KDM4A: variants seen among roughly 807,000 people sequenced by gnomAD.
KDM4A encodes the protein lysine-specific demethylase 4A.
A neutral mutation model predicts 127.1 loss-of-function variants in KDM4A; 23 were observed. The observed-to-expected ratio is 0.18, with a 90% CI of 0.13 to 0.26. The LOEUF (loss-of-function observed/expected upper bound fraction) is 0.26, where lower values mean the gene tolerates loss of function less well. KDM4A is among the 10% of genes least tolerant of loss of function. The pLI, the probability that KDM4A is intolerant of heterozygous loss-of-function variation, is 1.00. For missense variants in KDM4A, 890 were observed against 1,329.1 expected, an observed-to-expected ratio of 0.67 and a Z score of 5.14; for synonymous variants, 443 against 466.5, an observed-to-expected ratio of 0.95 and a Z score of 0.65.
chr1:43,659,929 G>C (rs775013847), intron 3 of KDM4A, among the ~76,000 whole-genome samples: 2 of 152,134 alleles, frequency 1.3e-5, no homozygotes, highest in African/African-American at 2.4e-5. Flanking sequence ...GCTGGGTTTT[G>C]GTTGTCTGTG....
Position 43,655,650 on chromosome 1 carries a change from C to T in KDM4A, c.198C>T (p.Val66=), listed in dbSNP as rs775431850. The change falls in exon 3 of 22, where the codon GTC becomes GTT. Residue 66 remains valine (V), a synonymous_variant. Transcript: ENST00000372396. The part of the protein sequence containing the change: ...RASYDDIDDL[V]IPAPIQQLVT... ...CCTATGATGACATTGATGATTTGGT[C>T]ATTCCTGCCCCCATTCAACAGCTGG... 1.2e-6 allele frequency: 2 copies of T among 1,613,326 alleles called. No individual in the cohort carries two copies. The highest frequency in any genetic ancestry group is 2.2e-5 in the East Asian group (1 of 44,878).
intron 12 of KDM4A, among the ~76,000 whole-genome samples, chr1:43,687,419 T>C (rs1489837972): frequency 2.6e-5 from 4 of 152,158 alleles, no homozygotes; most frequent in Non-Finnish European, 4.4e-5. Flanking sequence ...AGGAGGGTCA[T>C]AGCTGGGGAC....
chr1:43,694,765 T>C lies in KDM4A; in HGVS notation c.2541T>C (p.Cys847=). 1 of 1,614,108 alleles carries C rather than the reference T, an allele frequency of 6.2e-7. No homozygotes were observed. Among genetic ancestry groups the C allele is most frequent in the South Asian group, 1.1e-5 (1 of 91,078 alleles). ...GAACTGCTGGCTGCTGTGTGCAGTG[T>C]TCTCACGGCCGCTGCCCAACTGCCT... ...RKRTAGCCVQ[C]SHGRCPTAFH... is the part of the protein sequence containing the mutation. The change falls in exon 18 of 22, where the codon TGT becomes TGC. Residue 847 remains cysteine, a synonymous_variant. Coordinates refer to ENST00000372396, the MANE Select transcript of KDM4A (RefSeq NM_014663.3). This position sits in a 1 kb window ranked among gnomAD's most constrained non-coding sequence, Gnocchi z 5.2.
chr1:43,692,137 C>A, intron 15 of KDM4A, 119 bp from the exon 16 acceptor site: 1 of 906,042 alleles, frequency 1.1e-6, no homozygotes, highest in Non-Finnish European at 1.8e-6. Context: ...TGAAGCCCCA[C>A]ATGCTATTAT....
At position 43,669,178 on chromosome 1, in the gene KDM4A, C is replaced by T. The variant is rs755084579; in HGVS notation, c.1242C>T (p.Leu414=). ...CACAGGAGGTGAGTCAGAGTGAGCT[C>T]TTCCCCAAGGAGGATCTGAGTTCTG... ...EIPQEVSQSE[L]FPKEDLSSEQ... The change falls in exon 10 of 22, where the codon CTC becomes CTT. Residue 414 remains leucine, a synonymous_variant. Transcript: ENST00000372396. 24 of 1,614,114 alleles carry T rather than the reference C, an allele frequency of 1.5e-5. No individual in the cohort carries two copies. The South Asian group carries it at 2.2e-4, about 15-fold the overall frequency.
intron 3 of KDM4A, among the ~76,000 whole-genome samples, chr1:43,659,339 T>A (rs1660318807): frequency 1.3e-5 from 2 of 152,010 alleles, no homozygotes. Flanking sequence ...GAGACAGAGT[T>A]TTACTCTATG....
intron 2 of KDM4A, 52 bp from the exon 3 acceptor site, chr1:43,655,535 TCTGA>T (rs1472295491): frequency 1.3e-6 from 2 of 1,494,764 alleles, no homozygotes; most frequent in Non-Finnish European, 1.8e-6. Context: ...CTTCCTGGAC[TCTGA>T]CTGGCTTGCC....
chr1:43,658,020 TATTCCTTTCGTCCTAATACATAGCAG>T (rs1348223353), intron 3 of KDM4A, among the ~76,000 whole-genome samples: 1 of 151,730 alleles, frequency 6.6e-6, no homozygotes, highest in Non-Finnish European at 1.5e-5. Flanking sequence ...GCCCTATGTC[TATTCCTTTCGTCCTAATACATAGCAG>T]ATTACCTTTA....
chr1:43,656,031 C>T (rs535724841), intron 3 of KDM4A, among the ~76,000 whole-genome samples: 3 of 152,290 alleles, frequency 2.0e-5, no homozygotes, highest in Admixed American at 2.0e-4. Context: ...TCTAAAGTTG[C>T]AAGGAGAAAG....
chr1:43,669,381 G>T lies in KDM4A; in HGVS notation c.1363+82G>T, dbSNP rs1328704779. The stretch of plus-strand genomic sequence containing the variant: ...AGATGCCATATTGAGTGCTGGGTCA[G>T]AAATAAAAAAGGCAGAGTGACAGGT... On this transcript the variant is annotated intron_variant, in intron 10 of 21. Coordinates refer to ENST00000372396, the MANE Select transcript of KDM4A (RefSeq NM_014663.3). 5 of 1,407,136 alleles carry T rather than the reference G, an allele frequency of 3.6e-6. No homozygotes were observed. In the East Asian group the frequency reaches 1.1e-4, roughly 32 times the overall value. The allele number at this position is 1,407,136 out of a possible 1,614,324, so 87.2% of individuals were successfully genotyped here.
intron 1 of KDM4A, among the ~76,000 whole-genome samples, chr1:43,651,785 G>A (rs1052402635): frequency 6.6e-6 from 1 of 152,168 alleles, no homozygotes; most frequent in Non-Finnish European, 1.5e-5. Context: ...GAGCTGTGGG[G>A]ATGCACCCAC....
intron 2 of KDM4A, 57 bp downstream of exon 2, chr1:43,653,370 T>TG: frequency 6.7e-7 from 1 of 1,502,494 alleles, no homozygotes; most frequent in African/African-American, 1.4e-5. Context: ...CAGTAAGATT[T>TG]TTTTCCTACA....
chr1:43,695,684 G>A (rs1661224938), intron 18 of KDM4A, among the ~76,000 whole-genome samples: 1 of 152,218 alleles, frequency 6.6e-6, no homozygotes, highest in Non-Finnish European at 1.5e-5. Context: ...AGAGGATTCA[G>A]AGTAAGAATT....
chr1:43,703,769 G>C, intron 20 of KDM4A, 33 bp downstream of exon 20: 2 of 1,612,890 alleles, frequency 1.2e-6, no homozygotes, highest in Non-Finnish European at 1.7e-6. Flanking sequence ...AGGGAGTGGG[G>C]GGTGCTTGAT....
In KDM4A at chr1:43,684,685, G is replaced by A. The variant is rs147330470; in HGVS notation, c.1855+881G>A. 2.5e-3 allele frequency among the ~76,000 whole-genome samples: 375 copies of A among 152,306 alleles called. 1 individual carries two copies. The highest frequency in any genetic ancestry group is 4.2e-3 in the Admixed American group (65 of 15,298). On this transcript the variant is annotated intron_variant, in intron 12 of 21. Coordinates refer to ENST00000372396, the MANE Select transcript of KDM4A (RefSeq NM_014663.3). ...CCAGATCCTGGATAGCGTTATCATG[G>A]AGGCCAGAGTGAGGACTTTGTCTTA...
chr1:43,656,484 C>T (rs1204061430), intron 3 of KDM4A, among the ~76,000 whole-genome samples: 5 of 150,044 alleles, frequency 3.3e-5, no homozygotes, highest in African/African-American at 7.4e-5. Flanking sequence ...ACTACAGGCA[C>T]GCGCCACCAT....
chr1:43,699,768 C>CTG (rs1412255735), intron 19 of KDM4A: 1 of 148,170 alleles, frequency 6.7e-6, no homozygotes, highest in Non-Finnish European at 1.5e-5. Flanking sequence ...GTTGCCCAGG[C>CTG]TGGAGTACGG....
intron 12 of KDM4A, among the ~76,000 whole-genome samples, chr1:43,685,347 C>A (rs1287572849): frequency 1.3e-5 from 2 of 152,052 alleles, no homozygotes; most frequent in Non-Finnish European, 2.9e-5. Flanking sequence ...GGCCCTGTCA[C>A]CTTCAGGGAG....
chr1:43,687,473 C>T (rs1193770148), intron 12 of KDM4A, among the ~76,000 whole-genome samples: 2 of 152,316 alleles, frequency 1.3e-5, no homozygotes, highest in East Asian at 3.9e-4. Flanking sequence ...CCCTGGGATG[C>T]CCCGTGTGAT....
Sources: allele counts gnomAD v4.1 joint callset (sites outside exome capture counted in the v4.1 genomes callset), GRCh38; gene constraint gnomAD v4.1.1; non-coding constraint Gnocchi (gnomAD v3.1); transcripts MANE v1.5; gene names NCBI Gene and HGNC (gene_info 2026-07-23, HGNC 2026-07-21).